Variants in PLCB4 observed in about 807,000 individuals in gnomAD.
PLCB4 encodes the protein phospholipase C beta 4, also known as 1-phosphatidylinositol 4,5-bisphosphate phosphodiesterase beta-4.
Under a neutral mutation model 178.8 loss-of-function variants are expected in PLCB4, and 77 were observed. The ratio of observed to expected loss-of-function variants is 0.43; its 90% CI spans 0.36 to 0.52. PLCB4 has a LOEUF of 0.52. Ranked by LOEUF, PLCB4 falls within the 20% of genes least tolerant of loss-of-function variation. The pLI is 0.00. For synonymous variants in PLCB4, 496 were observed against 490.8 expected, an observed-to-expected ratio of 1.01 and a Z score of -0.14; for missense variants, 1,024 against 1,453.4, an observed-to-expected ratio of 0.70 and a Z score of 4.80.
intron 32 of PLCB4, among the ~76,000 whole-genome samples, chr20:9,446,669 TCAGGAGTTTAAGAC>T (rs1280625660): frequency 6.6e-6 from 1 of 152,100 alleles, no homozygotes; most frequent in Non-Finnish European, 1.5e-5. Context: ...TCACCTGAAG[TCAGGAGTTTAAGAC>T]CAGCCTGGCC....
intron 3 of PLCB4, among the ~76,000 whole-genome samples, chr20:9,280,789 CA>C (rs1469389272): frequency 6.6e-6 from 1 of 151,734 alleles, no homozygotes; most frequent in African/African-American, 2.4e-5. Flanking sequence ...CTATTAAATC[CA>C]GCATAAATCC....
At chr20:9,296,273 G>A (rs561564049) in intron 3 of PLCB4, among the ~76,000 whole-genome samples, 14 of 152,234 alleles carry the variant, frequency 9.2e-5, no homozygotes, top group African/African-American at 3.4e-4. Flanking sequence ...ATCATCCCTG[G>A]CCATCAGAGA....
At chr20:9,167,746 A>T (rs1458783469) in intron 2 of PLCB4, among the ~76,000 whole-genome samples, 1 of 152,204 alleles carries the variant, frequency 6.6e-6, no homozygotes, top group Non-Finnish European at 1.5e-5. Context: ...CTTAGTACCG[A>T]ATAATTGGCT....
At chr20:9,323,451 GAATT>G in intron 4 of PLCB4, among the ~76,000 whole-genome samples, 1 of 152,180 alleles carries the variant, frequency 6.6e-6, no homozygotes, top group Non-Finnish European at 1.5e-5. Context: ...CCCCACCAGG[GAATT>G]AATTCATCAC....
intron 2 of PLCB4, among the ~76,000 whole-genome samples, chr20:9,214,557 C>CCAAA (rs2093707651): frequency 1.9e-5 from 2 of 103,042 alleles, no homozygotes; most frequent in Non-Finnish European, 3.6e-5. Flanking sequence ...CATAAACACC[C>CCAAA]CAGACACACA....
At chr20:9,320,100 G>T (rs965806400) in intron 4 of PLCB4, among the ~76,000 whole-genome samples, 10 of 152,246 alleles carry the variant, frequency 6.6e-5, no homozygotes, top group African/African-American at 1.9e-4. Flanking sequence ...AGAAACAGAA[G>T]AATCGCTATT....
At chr20:9,389,648 A>C (rs2037971558) in intron 15 of PLCB4, among the ~76,000 whole-genome samples, 1 of 152,180 alleles carries the variant, frequency 6.6e-6, no homozygotes, top group African/African-American at 2.4e-5. Flanking sequence ...ATAGCACCAT[A>C]ATTCTGGAGA....
At chr20:9,232,423 T>G (rs1055810344) in intron 3 of PLCB4, among the ~76,000 whole-genome samples, 3 of 152,126 alleles carry the variant, frequency 2.0e-5, no homozygotes, top group African/African-American at 7.2e-5. Flanking sequence ...TACCTTTAGT[T>G]TAGGGATTAT....
Position 9,384,913 on chromosome 20 carries a change from G to A in PLCB4, c.1064+502G>A, listed in dbSNP as rs554068364. ...GGAGAGAAGGTCAGCAGATAAACAC[G>A]TGAACAAAGGTCTCTGGTTTTCCTA... is the stretch of plus-strand genomic sequence containing the variant. On this transcript the variant is annotated intron_variant, in intron 14 of 39. Transcript: ENST00000378473. 7.9e-5 allele frequency among the ~76,000 whole-genome samples: 12 copies of A among 151,956 alleles called. No individual in the cohort carries two copies. The South Asian group carries it at 1.3e-3, about 16-fold the overall frequency.
At chr20:9,152,641 G>T (rs919862948) in intron 2 of PLCB4, among the ~76,000 whole-genome samples, 3 of 152,174 alleles carry the variant, frequency 2.0e-5, no homozygotes. Context: ...CAGGGGCGGG[G>T]AACTTCATGG....
chr20:9,338,437 TGGGAGGCAGA>T (rs936779433), intron 6 of PLCB4, among the ~76,000 whole-genome samples: 1 of 152,062 alleles, frequency 6.6e-6, no homozygotes, highest in African/African-American at 2.4e-5. Context: ...CCCAGCACTG[TGGGAGGCAGA>T]GGGAGGCAGA....
At chr20:9,419,541 A>G (rs2040481567) in intron 25 of PLCB4, among the ~76,000 whole-genome samples, 1 of 152,170 alleles carries the variant, frequency 6.6e-6, no homozygotes, top group Non-Finnish European at 1.5e-5. Flanking sequence ...TTATACATAT[A>G]AAGAAAAGTA....
chr20:9,209,433 T>C (rs1386692655), intron 2 of PLCB4, among the ~76,000 whole-genome samples: 1 of 151,864 alleles, frequency 6.6e-6, no homozygotes, highest in East Asian at 1.9e-4. Flanking sequence ...GGACTGTGAC[T>C]ATGACGGGAT....
Position 9,160,547 on chromosome 20 carries a change from G to A in PLCB4, c.-78-56843G>A, listed in dbSNP as rs571437056. Among the ~76,000 whole-genome samples the A allele has an allele frequency of 2.0e-5, 3 of 152,284 alleles. No individual in the cohort carries two copies. In the South Asian group the frequency reaches 6.2e-4, roughly 32 times the overall value. Reference sequence around the variant, plus strand: ...TATGTGCCTGTGTGTGTGCATGCATGTTTTATAGCTTCCTGAAGAAATAGA... The same window carrying A: ...TATGTGCCTGTGTGTGTGCATGCATATTTTATAGCTTCCTGAAGAAATAGA... On this transcript the variant is annotated intron_variant, in intron 2 of 39. Transcript: ENST00000378473.
intron 2 of PLCB4, among the ~76,000 whole-genome samples, chr20:9,131,255 C>T (rs537824283): frequency 6.6e-6 from 1 of 152,196 alleles, no homozygotes; most frequent in East Asian, 1.9e-4. Context: ...TTCCCTCTTT[C>T]TCTCCCTTTT....
chr20:9,426,604 T>G (rs2041027621), intron 28 of PLCB4, among the ~76,000 whole-genome samples: 1 of 152,120 alleles, frequency 6.6e-6, no homozygotes, highest in East Asian at 1.9e-4. Context: ...CTTGAACTTC[T>G]GACCTCAGGT....
In PLCB4 at chr20:9,405,353, CAAAAT is replaced by C. The variant is rs1340866228; in HGVS notation, c.1647+8_1647+12del. 1 of 1,503,326 alleles carries C rather than the reference CAAAAT, an allele frequency of 6.7e-7. No homozygotes were observed. Among genetic ancestry groups the C allele is most frequent in the Non-Finnish European group, 9.1e-7 (1 of 1,099,798 alleles). The allele number at this position is 1,503,326 out of a possible 1,614,324, so 93.1% of individuals were successfully genotyped here. On this transcript the variant is annotated splice_donor_region_variant and intron_variant, in intron 21 of 39. Transcript: ENST00000378473. Reference sequence around the variant, plus strand: ...GAACATGAAAACAACAAAAAGGTAACAAAATAATTCCCTTGCACATTTTAAATCAG... The same window carrying C: ...GAACATGAAAACAACAAAAAGGTAACAATTCCCTTGCACATTTTAAATCAG...
chr20:9,407,859 G>A lies in PLCB4; in HGVS notation c.1648-58G>A, dbSNP rs750394778. 1.6e-5 allele frequency: 23 copies of A among 1,450,138 alleles called. No homozygotes were observed. In the South Asian group the frequency reaches 2.2e-4, roughly 14 times the overall value. 89.8% of individuals were successfully genotyped at this position (1,450,138 alleles called of 1,614,324 possible). On this transcript the variant is annotated intron_variant, in intron 21 of 39. Coordinates refer to ENST00000378473, the MANE Select transcript of PLCB4 (RefSeq NM_001377142.1). ...TCTTTATTAAGGAAATCTGCAGCAC[G>A]TATCCGTGGGTCCTACTGAAGTCAT...
intron 25 of PLCB4, 94 bp from the exon 26 acceptor site, chr20:9,419,713 A>G (rs968897212): frequency 6.9e-5 from 57 of 823,658 alleles, no homozygotes; most frequent in Admixed American, 2.4e-4. Context: ...CCTGTGTTAC[A>G]GATGGAGAAA....
Sources: gnomAD v4.1 joint callset for allele counts (sites outside exome capture counted in the v4.1 genomes callset) on GRCh38, gnomAD v4.1.1 for gene constraint, MANE v1.5 for transcripts, NCBI Gene and HGNC (gene_info 2026-07-23, HGNC 2026-07-21) for gene names.